The following PRRC2A variants were observed in gnomAD, a reference collection of about 807,000 sequenced individuals.
The protein encoded by PRRC2A is proline rich coiled-coil 2A.
In PRRC2A, 59 loss-of-function variants were observed where a neutral mutation model predicts 224.6. The ratio of observed to expected loss-of-function variants is 0.26; its 90% CI spans 0.21 to 0.33. The LOEUF (loss-of-function observed/expected upper bound fraction) is 0.33. Among genes scored for constraint, PRRC2A ranks in the 10% least tolerant of loss-of-function variants. PRRC2A has a pLI of 1.00. For synonymous variants in PRRC2A, 1,194 were observed against 1,109.5 expected (o/e 1.08, Z -1.51); for missense variants, 3,095 against 2,880.7 (o/e 1.07, Z -1.70).
rs1777174083 is a variant in PRRC2A at position 31,635,138 on chromosome 6, C to T, written c.5167C>T (p.Pro1723Ser). 3 of 1,613,960 alleles carry T rather than the reference C, an allele frequency of 1.9e-6. No homozygotes were observed. Among genetic ancestry groups the T allele is most frequent in the Non-Finnish European group, 1.7e-6 (2 of 1,179,918 alleles). The change falls in exon 22 of 31, where the codon CCC becomes TCC. Residue 1723 changes from proline (P) to serine (S), a missense_variant. This residue lies in a region of PRRC2A where 662 missense variants were observed against 609.5 expected (regional missense o/e 1.09). Transcript: ENST00000376033. ...APHDGDRKEL[P>S]REQPLPPGPI... The stretch of plus-strand genomic sequence containing the variant: ...TACTGTGTGCCCAATCCAGGAGCTG[C>T]CCCGGGAGCAGCCTCTGCCCCCTGG...
chr6:31,632,917 G>A lies in PRRC2A; in HGVS notation c.4244G>A (p.Gly1415Asp), dbSNP rs2857703. ...AGCAGTGGCAGCAGCAGTGGAGGAG[G>A]CGGTGGGGGTCCTGGAGGAAGGACC... is the stretch of plus-strand genomic sequence containing the variant. ...AGSSGSSSGG[G>D]GGGPGGRTGP... The change falls in exon 16 of 31, where the codon GGC becomes GAC. Residue 1415 changes from glycine (G) to aspartate (D), a missense_variant. Transcript: ENST00000376033. 6.2e-7 allele frequency: 1 copy of A among 1,612,612 alleles called. No individual in the cohort carries two copies. Among genetic ancestry groups the A allele is most frequent in the Non-Finnish European group, 8.5e-7 (1 of 1,179,762 alleles).
rs1776251650 is a variant in PRRC2A at position 31,629,169 on chromosome 6, G to A, written c.1791G>A (p.Glu597=). Reference sequence around the variant, plus strand: ...TGGAACCACAACTGCCCTCAAAAGAGGGTCCTGAACCACCAGAAGAGGTTC... The same window carrying A: ...TGGAACCACAACTGCCCTCAAAAGAAGGTCCTGAACCACCAGAAGAGGTTC... ...SPVEPQLPSK[E]GPEPPEEVPP... is the part of the protein sequence containing the mutation. The change falls in exon 13 of 31, where the codon GAG becomes GAA. Residue 597 remains glutamate, a synonymous_variant. Coordinates refer to ENST00000376033, the MANE Select transcript of PRRC2A (RefSeq NM_004638.4). 1.2e-6 allele frequency: 2 copies of A among 1,614,046 alleles called. No individual in the cohort carries two copies. Among genetic ancestry groups the A allele is most frequent in the Non-Finnish European group, 1.7e-6 (2 of 1,180,000 alleles).
At position 31,623,820 on chromosome 6, in the gene PRRC2A, C is replaced by G. The variant is rs375345996; in HGVS notation, c.201C>G (p.Ala67=). 3.6e-5 allele frequency: 58 copies of G among 1,614,038 alleles called. No individual in the cohort carries two copies. The highest frequency in any genetic ancestry group is 4.7e-5 in the Non-Finnish European group (56 of 1,180,030). ...CAGCCAACCTTCCAAGCCTGAAAGCCGAGAACAAAGGCAATGACCCCAATG... is the reference window on the plus strand; with the variant it reads ...CAGCCAACCTTCCAAGCCTGAAAGCGGAGAACAAAGGCAATGACCCCAATG... ...PPPANLPSLK[A]ENKGNDPNVS... Residue 67 remains alanine (A), a synonymous_variant, in exon 3 of 31, where the codon GCC becomes GCG. Transcript: ENST00000376033.
chr6:31,624,171 T>C lies in PRRC2A; in HGVS notation c.291-90T>C. On this transcript the variant is annotated intron_variant, in intron 3 of 30. Transcript: ENST00000376033. The stretch of plus-strand genomic sequence containing the variant: ...TCCTTATATTTGTAAATGGTAGCAA[T>C]GGGCATGATTTCAGTCCTGAGTCTC... The C allele has an allele frequency of 2.3e-6, 3 of 1,290,746 alleles. No individual in the cohort carries two copies. In the South Asian group the frequency reaches 3.8e-5, roughly 16 times the overall value. 80.0% of individuals were successfully genotyped at this position (1,290,746 alleles called of 1,614,324 possible).
chr6:31,630,209 C>T (rs535357491), intron 14 of PRRC2A, among the ~76,000 whole-genome samples: 3 of 152,108 alleles, frequency 2.0e-5, no homozygotes, highest in African/African-American at 4.8e-5. Flanking sequence ...CCCAGCTACT[C>T]GGGAGACTGA....
In PRRC2A at chr6:31,625,015, G is replaced by A; in HGVS notation, c.464-156G>A. On this transcript the variant is annotated intron_variant, in intron 5 of 30. Coordinates refer to ENST00000376033, the MANE Select transcript of PRRC2A (RefSeq NM_004638.4). This position sits in a 1 kb window ranked among gnomAD's most constrained non-coding sequence, Gnocchi z 4.1. The stretch of plus-strand genomic sequence containing the variant: ...GGGGTTTCACATGTTGGCCAGGATG[G>A]TCTCGATCTCTTGACCTCGTGATCC... 1.3e-6 allele frequency: 1 copy of A among 795,840 alleles called. No homozygotes were observed. The highest frequency in any genetic ancestry group is 1.7e-5 in the South Asian group (1 of 59,190). 49.3% of individuals were successfully genotyped at this position (795,840 alleles called of 1,614,324 possible).
chr6:31,625,950 G>A lies in PRRC2A; in HGVS notation c.840-70G>A. Reference sequence around the variant, plus strand: ...GAGGAGATGGTTTTCTAGCCAGGAGGCTCAGTCTAGGATCAGTCTCGCATG... The same window carrying A: ...GAGGAGATGGTTTTCTAGCCAGGAGACTCAGTCTAGGATCAGTCTCGCATG... On this transcript the variant is annotated intron_variant, in intron 8 of 30. Coordinates refer to ENST00000376033, the MANE Select transcript of PRRC2A (RefSeq NM_004638.4). This position sits in a 1 kb window ranked among gnomAD's most constrained non-coding sequence, Gnocchi z 4.1. 6.3e-7 allele frequency: 1 copy of A among 1,592,570 alleles called. No individual in the cohort carries two copies. Among genetic ancestry groups the A allele is most frequent in the Non-Finnish European group, 8.6e-7 (1 of 1,165,484 alleles).
At chr6:31,635,350 ATGTC>A in intron 22 of PRRC2A, 40 bp from the exon 23 acceptor site, 1 of 1,614,042 alleles carries the variant, frequency 6.2e-7, no homozygotes, top group Non-Finnish European at 8.5e-7. Context: ...TAGAGGACAC[ATGTC>A]TGTCACGGGA....
At position 31,636,043 on chromosome 6, in the gene PRRC2A, C is replaced by G. The variant is rs201990655; in HGVS notation, c.5618C>G (p.Pro1873Arg). Residue 1873 changes from proline (P) to arginine (R), a missense_variant, in exon 25 of 31, where the codon CCT becomes CGT. By Grantham distance (103) the Pro-to-Arg change is moderately radical. Around this residue, in one of 8 missense-constraint regions of PRRC2A, gnomAD observed 662 missense variants for 609.5 expected, o/e 1.09. Transcript: ENST00000376033. This position sits in a 1 kb window ranked among gnomAD's most constrained non-coding sequence, Gnocchi z 4.3. ...GFRPGTPSLH[P>R]YRSQPLYLPP... is the part of the protein sequence containing the mutation. ...CGCCCTGGGACACCCTCACTGCACC[C>G]TTACAGGTAAGACTCGATGCCTGTG... The G allele has an allele frequency of 6.2e-7, 1 of 1,611,188 alleles. No individual in the cohort carries two copies. Among genetic ancestry groups the G allele is most frequent in the Non-Finnish European group, 8.5e-7 (1 of 1,177,350 alleles).
At chr6:31,635,486 G>C in intron 23 of PRRC2A, 21 bp downstream of exon 23, 2 of 1,613,442 alleles carry the variant, frequency 1.2e-6, no homozygotes, top group Non-Finnish European at 1.7e-6. Flanking sequence ...GTAAGAGTTT[G>C]GTGGAAAGGC....
intron 5 of PRRC2A, 99 bp downstream of exon 5, chr6:31,624,621 T>A: frequency 7.5e-7 from 1 of 1,330,210 alleles, no homozygotes; most frequent in Non-Finnish European, 1.1e-6. Flanking sequence ...CCTCTTTGGC[T>A]AAATCAAGGA....
chr6:31,629,435 C>A, intron 13 of PRRC2A, 101 bp downstream of exon 13: 1 of 1,463,852 alleles, frequency 6.8e-7, no homozygotes, highest in Non-Finnish European at 9.4e-7. Flanking sequence ...GCTTCTTTGT[C>A]CAGTTGTCTC....
At position 31,632,955 on chromosome 6, in the gene PRRC2A, G is replaced by A; in HGVS notation, c.4282G>A (p.Gly1428Ser). The change falls in exon 16 of 31, where the codon GGC (glycine) becomes AGC (serine). Residue 1428 changes from glycine (G) to serine (S), a missense_variant. This residue lies in a region of PRRC2A where 2,001 missense variants were observed against 1,764.9 expected (regional missense o/e 1.13). Transcript: ENST00000376033. ...TGGAGGAAGGACCGGGCCAGGACGA[G>A]GCGACAAGAGGAGCTGGCCCTCTCC... ...GPGGRTGPGR[G>S]DKRSWPSPKN... 1 of 1,602,624 alleles carries A rather than the reference G, an allele frequency of 6.2e-7. No individual in the cohort carries two copies. The highest frequency in any genetic ancestry group is 8.5e-7 in the Non-Finnish European group (1 of 1,173,442).
At chr6:31,630,947 T>C in intron 15 of PRRC2A, 146 bp downstream of exon 15, 1 of 1,282,516 alleles carries the variant, frequency 7.8e-7, no homozygotes, top group Non-Finnish European at 1.1e-6. Flanking sequence ...TCCCAGCATT[T>C]TGGGAGGCTG....
chr6:31,635,351 TG>T, intron 22 of PRRC2A, 42 bp from the exon 23 acceptor site: 1 of 1,613,984 alleles, frequency 6.2e-7, no homozygotes, highest in South Asian at 1.1e-5. Flanking sequence ...AGAGGACACA[TG>T]TCTGTCACGG....
In PRRC2A at chr6:31,637,761, A is replaced by T. The variant is rs939403672; in HGVS notation, c.*175A>T. 1.2e-4 allele frequency: 43 copies of T among 350,518 alleles called. No individual in the cohort carries two copies. Among genetic ancestry groups the T allele is most frequent in the South Asian group, 2.0e-4 (2 of 10,100 alleles). 21.7% of individuals were successfully genotyped at this position (350,518 alleles called of 1,614,324 possible). On this transcript the variant is annotated 3_prime_UTR_variant, in exon 31 of 31. Transcript: ENST00000376033. The stretch of plus-strand genomic sequence containing the variant: ...TTAAAAAAGAGTAATAAAAGGATTT[A>T]AAAAAAAAAACTTCTACAATGATTT...
At chr6:31,622,327 T>A (rs1775382283) in intron 1 of PRRC2A, among the ~76,000 whole-genome samples, 1 of 152,212 alleles carries the variant, frequency 6.6e-6, no homozygotes, top group African/African-American at 2.4e-5. Flanking sequence ...TCTGATGGAA[T>A]TGTATGCTTC....
chr6:31,630,333 T>A (rs956787473), intron 14 of PRRC2A, among the ~76,000 whole-genome samples: 1 of 152,090 alleles, frequency 6.6e-6, no homozygotes, highest in African/African-American at 2.4e-5. Context: ...AATGAATGAA[T>A]AGCACAACTC....
At position 31,625,973 on chromosome 6, in the gene PRRC2A, A is replaced by G. The variant is rs1404003047; in HGVS notation, c.840-47A>G. 4 of 1,605,308 alleles carry G rather than the reference A, an allele frequency of 2.5e-6. No individual in the cohort carries two copies. In the African/African-American group the frequency reaches 4.0e-5, roughly 16 times the overall value. ...AGGCTCAGTCTAGGATCAGTCTCGCATGTGGTTATACAACATGCCATATTT... is the reference window on the plus strand; with the variant it reads ...AGGCTCAGTCTAGGATCAGTCTCGCGTGTGGTTATACAACATGCCATATTT... On this transcript the variant is annotated intron_variant, in intron 8 of 30. Coordinates refer to ENST00000376033, the MANE Select transcript of PRRC2A (RefSeq NM_004638.4). The surrounding 1 kb of genome is among the most constrained non-coding windows in gnomAD (Gnocchi z 4.1).
Sources: allele counts gnomAD v4.1 joint callset (sites outside exome capture counted in the v4.1 genomes callset), GRCh38; gene constraint gnomAD v4.1.1; regional missense constraint gnomAD v4.1.1; non-coding constraint Gnocchi (gnomAD v3.1); transcripts MANE v1.5; gene names NCBI Gene and HGNC (gene_info 2026-07-23, HGNC 2026-07-21).